Variants in RBFOX1 observed in about 807,000 individuals in gnomAD.
The protein encoded by RBFOX1 is RNA binding protein fox-1 homolog 1.
Under a neutral mutation model 57.7 loss-of-function variants are expected in RBFOX1, and 8 were observed. The observed-to-expected ratio is 0.14, with a 90% CI of 0.08 to 0.25. The LOEUF (loss-of-function observed/expected upper bound fraction) is 0.25. RBFOX1 is among the 10% of genes least tolerant of loss of function. The pLI, the probability that RBFOX1 is intolerant of heterozygous loss-of-function variation, is 1.00. For missense variants in RBFOX1, 611 were observed against 548.5 expected, an observed-to-expected ratio of 1.11 and a Z score of -1.14; for synonymous variants, 326 against 222.4, an observed-to-expected ratio of 1.47 and a Z score of -4.15.
At chr16:6,803,525 A>T (rs1008655422) in intron 3 of RBFOX1, among the ~76,000 whole-genome samples, 1 of 152,194 alleles carries the variant, frequency 6.6e-6, no homozygotes, top group Non-Finnish European at 1.5e-5. Flanking sequence ...AGATTTCCAG[A>T]TTTCCTAAAT....
intron 14 of RBFOX1, among the ~76,000 whole-genome samples, chr16:7,679,635 C>T (rs140541795): frequency 1.3e-5 from 2 of 152,218 alleles, no homozygotes; most frequent in African/African-American, 4.8e-5. Context: ...AAGCCCTCAT[C>T]AAATGAAAGA....
intron 3 of RBFOX1, among the ~76,000 whole-genome samples, chr16:6,760,958 G>T (rs1305359760): frequency 6.6e-6 from 1 of 152,166 alleles, no homozygotes; most frequent in Non-Finnish European, 1.5e-5. Flanking sequence ...GTAATGGAGA[G>T]ATCTTCTTAG....
At chr16:7,097,126 A>G (rs750843367) in intron 4 of RBFOX1, among the ~76,000 whole-genome samples, 3 of 152,102 alleles carry the variant, frequency 2.0e-5, no homozygotes, top group Non-Finnish European at 2.9e-5. Context: ...GGGAAATGCA[A>G]CCGCGAGAGA....
intron 15 of RBFOX1, 148 bp from the exon 16 acceptor site, chr16:7,710,475 A>AGTTCTCCAAGAATGACCT (rs2083834284): frequency 6.6e-7 from 1 of 1,513,182 alleles, no homozygotes; most frequent in Non-Finnish European, 8.7e-7. Flanking sequence ...CCCTATCTTT[A>AGTTCTCCAAGAATGACCT]GTTCTCCAAG....
Position 7,350,520 on chromosome 16 carries a change from A to G in RBFOX1, c.28-167627A>G, listed in dbSNP as rs146881087. Among the ~76,000 whole-genome samples the G allele has an allele frequency of 1.9e-3, 283 of 152,314 alleles. 3 individuals carry two copies. The highest frequency in any genetic ancestry group is 6.6e-3 in the African/African-American group (273 of 41,570). On this transcript the variant is annotated intron_variant, in intron 4 of 15. Coordinates refer to ENST00000550418, the MANE Select transcript of RBFOX1 (RefSeq NM_018723.4). ...GCAGAATTTCAAGTAGGAGAACACT[A>G]TGATCTGATTGTATCATGTTAAAAG... is the stretch of plus-strand genomic sequence containing the variant.
chr16:6,503,191 T>C (rs1294222419), intron 2 of RBFOX1, among the ~76,000 whole-genome samples: 1 of 127,436 alleles, frequency 7.8e-6, no homozygotes, highest in Non-Finnish European at 1.7e-5. Flanking sequence ...TTTTTTATTA[T>C]TTGTTTTCAT....
At chr16:5,523,314 C>T (rs2044097329) in intron 2 of RBFOX1, among the ~76,000 whole-genome samples, 1 of 151,886 alleles carries the variant, frequency 6.6e-6, no homozygotes, top group African/African-American at 2.4e-5. Context: ...GACAGGTGTC[C>T]CTTTGATGTA....
Position 6,658,529 on chromosome 16 carries a change from A to G in RBFOX1, c.-16+3879A>G, listed in dbSNP as rs2098677373. Among the ~76,000 whole-genome samples the G allele has an allele frequency of 1.3e-5, 2 of 152,120 alleles. 1 individual carries two copies. Among genetic ancestry groups the G allele is most frequent in the South Asian group, 4.1e-4 (2 of 4,828 alleles). ...GCCGAGAGCCCTCATCTTGTTGTAGAGCAATAAAATCATTCTTCTTTATCT... is the reference window on the plus strand; with the variant it reads ...GCCGAGAGCCCTCATCTTGTTGTAGGGCAATAAAATCATTCTTCTTTATCT... On this transcript the variant is annotated intron_variant, in intron 3 of 15. Transcript: ENST00000550418.
rs868352037 is a variant in RBFOX1, at chr16:7,602,912, C to G, written c.623-4373C>G. On this transcript the variant is annotated intron_variant, in intron 9 of 15. Transcript: ENST00000550418. ...TTTCTTAGACCATAATAGAATAAAA[C>G]TAGAAATGAATAGCAAGAGGAACTT... 7.9e-4 allele frequency among the ~76,000 whole-genome samples: 120 copies of G among 152,144 alleles called. No homozygotes were observed. The Middle Eastern group carries it at 0.01, about 13-fold the overall frequency.
At chr16:6,981,511 C>G (rs1488069987) in intron 3 of RBFOX1, among the ~76,000 whole-genome samples, 1 of 152,100 alleles carries the variant, frequency 6.6e-6, no homozygotes, top group African/African-American at 2.4e-5. Context: ...TCTCATGCTG[C>G]TAATAAAGAC....
chr16:6,702,905 A>G (rs934553560), intron 3 of RBFOX1, among the ~76,000 whole-genome samples: 7 of 152,166 alleles, frequency 4.6e-5, no homozygotes, highest in Admixed American at 2.6e-4. Flanking sequence ...CTTTGTACCT[A>G]TGAGACATTA....
chr16:7,619,236 G>C (rs1268393175), intron 10 of RBFOX1, among the ~76,000 whole-genome samples: 2 of 152,138 alleles, frequency 1.3e-5, no homozygotes, highest in South Asian at 2.1e-4. Flanking sequence ...AAAACTATTT[G>C]TATGATTCTA....
intron 4 of RBFOX1, among the ~76,000 whole-genome samples, chr16:7,250,396 T>G (rs1018539995): frequency 1.3e-5 from 2 of 152,216 alleles, no homozygotes; most frequent in Non-Finnish European, 1.5e-5. Flanking sequence ...CTTAATGATA[T>G]AAAGCCATTT....
chr16:5,477,177 G>T (rs1317132083), intron 2 of RBFOX1, among the ~76,000 whole-genome samples: 1 of 152,130 alleles, frequency 6.6e-6, no homozygotes, highest in African/African-American at 2.4e-5. Flanking sequence ...ACTACATCCA[G>T]CTAATTTTAA....
intron 3 of RBFOX1, among the ~76,000 whole-genome samples, chr16:7,024,128 G>T (rs1044038846): frequency 6.6e-6 from 1 of 152,112 alleles, no homozygotes; most frequent in Non-Finnish European, 1.5e-5. Flanking sequence ...TTAATGACAT[G>T]CTTTATGTTA....
At chr16:7,407,945 G>A (rs981675124) in intron 4 of RBFOX1, among the ~76,000 whole-genome samples, 28 of 152,284 alleles carry the variant, frequency 1.8e-4, no homozygotes, top group Admixed American at 6.5e-4. Flanking sequence ...CTTTTGGGCC[G>A]CAATGGCAGA....
intron 1 of RBFOX1, among the ~76,000 whole-genome samples, chr16:5,424,271 A>G (rs997887944): frequency 1.3e-5 from 2 of 152,190 alleles, no homozygotes; most frequent in African/African-American, 2.4e-5. Context: ...ATTTTGATCA[A>G]AATCGTGTTT....
chr16:6,958,399 C>T (rs1050378493), intron 3 of RBFOX1, among the ~76,000 whole-genome samples: 3 of 152,262 alleles, frequency 2.0e-5, no homozygotes, highest in African/African-American at 7.2e-5. Flanking sequence ...CATATTTCCC[C>T]CCCTTTTTAT....
chr16:7,271,237 G>A (rs1000468753), intron 4 of RBFOX1, among the ~76,000 whole-genome samples: 10 of 151,960 alleles, frequency 6.6e-5, no homozygotes, highest in African/African-American at 1.9e-4. Context: ...TTGTCTACAC[G>A]TGTTTCCTAA....
Sources: gnomAD v4.1 joint callset for allele counts (sites outside exome capture counted in the v4.1 genomes callset) on GRCh38, gnomAD v4.1.1 for gene constraint, MANE v1.5 for transcripts, NCBI Gene and HGNC (gene_info 2026-07-23, HGNC 2026-07-21) for gene names.